FRMD4A: variants seen among roughly 807,000 people sequenced by gnomAD.
FRMD4A encodes FERM domain containing 4A.
In FRMD4A, 29 loss-of-function variants were observed where a neutral mutation model predicts 129.1. The ratio of observed to expected loss-of-function variants is 0.22; its 90% CI spans 0.17 to 0.31. The LOEUF (loss-of-function observed/expected upper bound fraction) is 0.31, where lower values mean the gene tolerates loss of function less well. Ranked by LOEUF, FRMD4A falls within the 10% of genes least tolerant of loss-of-function variation. FRMD4A has a pLI of 1.00. For missense variants in FRMD4A, 1,272 were observed against 1,375.8 expected, an observed-to-expected ratio of 0.92 and a Z score of 1.19; for synonymous variants, 634 against 571.6, an observed-to-expected ratio of 1.11 and a Z score of -1.56.
chr10:14,081,358 G>A (rs76145199), intron 2 of FRMD4A, among the ~76,000 whole-genome samples: 3,138 of 152,216 alleles, frequency 0.021, 91 homozygotes, highest in African/African-American at 0.07. Context: ...CAACCACTGG[G>A]GGTCTTGCAA....
At position 13,707,039 on chromosome 10, in the gene FRMD4A, G is replaced by T; in HGVS notation, c.834C>A (p.Arg278=). 6.5e-7 allele frequency: 1 copy of T among 1,543,352 alleles called. No individual in the cohort carries two copies. The highest frequency in any genetic ancestry group is 9.0e-7 in the Non-Finnish European group (1 of 1,115,448). Reference sequence around the variant, plus strand: ...AGAAAAGGACTTTTCAAGCTTACCTGCGTGGGTCATGAACTTCCACGGAAA... The same window carrying T: ...AGAAAAGGACTTTTCAAGCTTACCTTCGTGGGTCATGAACTTCCACGGAAA... ...KKFSVEVHDP[R]RASVTRRTFG... is the part of the protein sequence containing the mutation. The change falls in exon 13 of 25, where the codon CGC becomes CGA. Residue 278 remains arginine (R), a splice_region_variant and synonymous_variant. Transcript: ENST00000357447.
In FRMD4A at chr10:14,198,300, G is replaced by A. The variant is rs556980925; in HGVS notation, c.45+131758C>T. ...GTGATGGGGATGTTCCCGCCCACAT[G>A]ACCTCATTGGGACATCGGGCTGGAG... On this transcript the variant is annotated intron_variant, in intron 2 of 24. Coordinates refer to ENST00000357447, the MANE Select transcript of FRMD4A (RefSeq NM_018027.5). Among the ~76,000 whole-genome samples the A allele has an allele frequency of 2.6e-5, 4 of 152,328 alleles. No individual in the cohort carries two copies. In the East Asian group the frequency reaches 7.7e-4, roughly 29 times the overall value.
intron 2 of FRMD4A, among the ~76,000 whole-genome samples, chr10:14,220,793 TGTGTGTGTGTGTGTGTGTTTG>T: frequency 2.1e-5 from 1 of 47,468 alleles, no homozygotes; most frequent in Non-Finnish European, 6.5e-5. Context: ...CGTGTGTGTG[TGTGTGTGTGTGTGTGTGTTTG>T]TGTGTGTGTG....
At chr10:13,740,622 A>G in intron 9 of FRMD4A, 45 bp from the exon 10 acceptor site, 3 of 983,470 alleles carry the variant, frequency 3.1e-6, no homozygotes, top group Non-Finnish European at 4.8e-6. Flanking sequence ...TCTCTAGGTC[A>G]ACAGCCAAGC....
At chr10:13,658,042 T>C (rs574821030) in intron 21 of FRMD4A, among the ~76,000 whole-genome samples, 4 of 145,176 alleles carry the variant, frequency 2.8e-5, no homozygotes, top group South Asian at 4.3e-4. Context: ...AGTCAGGAGG[T>C]TGAAGAGGGA....
chr10:14,222,730 G>GA (rs201713185), intron 2 of FRMD4A, among the ~76,000 whole-genome samples: 19 of 150,616 alleles, frequency 1.3e-4, no homozygotes, highest in East Asian at 5.9e-4. Context: ...AATCTCCTTG[G>GA]AAAAAAAAAC....
chr10:14,032,892 T>C (rs1395735184), intron 2 of FRMD4A, among the ~76,000 whole-genome samples: 1 of 152,224 alleles, frequency 6.6e-6, no homozygotes, highest in African/African-American at 2.4e-5. Context: ...TGTTTCCCAG[T>C]CTTGGTAACT....
chr10:14,007,131 G>A (rs1341426970), intron 2 of FRMD4A: 3 of 152,044 alleles, frequency 2.0e-5, no homozygotes, highest in Non-Finnish European at 4.4e-5. Flanking sequence ...TTTATAAGAT[G>A]CTGCGGATAG....
rs1181277519 is a variant in FRMD4A, at chr10:13,821,712, G to C, written c.112-10804C>G. Among the ~76,000 whole-genome samples the C allele has an allele frequency of 2.6e-5, 4 of 152,172 alleles. No homozygotes were observed. Among genetic ancestry groups the C allele is most frequent in the African/African-American group, 9.7e-5 (4 of 41,440 alleles). On this transcript the variant is annotated intron_variant, in intron 3 of 24. Coordinates refer to ENST00000357447, the MANE Select transcript of FRMD4A (RefSeq NM_018027.5). The surrounding 1 kb of genome is among the most constrained non-coding windows in gnomAD (Gnocchi z 4.3). ...AGAAGCAACTCGCCAAATTCACACA[G>C]CGAATCAGTGGGAGAACTGAACCGC...
chr10:13,875,204 G>T (rs2094476446), intron 2 of FRMD4A, among the ~76,000 whole-genome samples: 2 of 152,188 alleles, frequency 1.3e-5, no homozygotes, highest in East Asian at 1.9e-4. Context: ...AAACAAAGAA[G>T]GGGGAGCTAA....
In FRMD4A at chr10:14,185,460, G is replaced by A. The variant is rs1022800913; in HGVS notation, c.45+144598C>T. Reference sequence around the variant, plus strand: ...GATGAGGATGTCGTGGCAGAAATTAGTACAAAAAACATTACAACATTTTGT... The same window carrying A: ...GATGAGGATGTCGTGGCAGAAATTAATACAAAAAACATTACAACATTTTGT... On this transcript the variant is annotated intron_variant, in intron 2 of 24. Coordinates refer to ENST00000357447, the MANE Select transcript of FRMD4A (RefSeq NM_018027.5). 1.8e-4 allele frequency among the ~76,000 whole-genome samples: 28 copies of A among 152,304 alleles called. 1 individual carries two copies. Among genetic ancestry groups the A allele is most frequent in the South Asian group, 1.2e-3 (6 of 4,828 alleles).
chr10:13,855,169 GC>G (rs1237330883), intron 3 of FRMD4A, among the ~76,000 whole-genome samples: 49 of 152,208 alleles, frequency 3.2e-4, no homozygotes, highest in Non-Finnish European at 1.6e-4. Flanking sequence ...TTTTTTCTCT[GC>G]AACCCAAAGA....
chr10:13,791,925 T>G (rs911655913), intron 5 of FRMD4A, among the ~76,000 whole-genome samples: 3 of 152,130 alleles, frequency 2.0e-5, no homozygotes, highest in African/African-American at 7.2e-5. Flanking sequence ...GTCTCCACAG[T>G]GTCAGATAAT....
intron 12 of FRMD4A, among the ~76,000 whole-genome samples, chr10:13,709,664 C>G (rs2087814796): frequency 6.6e-6 from 1 of 152,136 alleles, no homozygotes; most frequent in African/African-American, 2.4e-5. Flanking sequence ...TGGCTGCATA[C>G]CACGGCGGTC....
chr10:14,017,880 T>C (rs944204562), intron 2 of FRMD4A, among the ~76,000 whole-genome samples: 4 of 152,224 alleles, frequency 2.6e-5, no homozygotes, highest in Admixed American at 6.5e-5. Flanking sequence ...GGGAATATGG[T>C]TTATGTTGAA....
intron 2 of FRMD4A, among the ~76,000 whole-genome samples, chr10:14,178,125 C>T (rs1448596184): frequency 1.3e-5 from 2 of 152,222 alleles, no homozygotes; most frequent in African/African-American, 4.8e-5. Flanking sequence ...AATTCACCCA[C>T]ACAGCATTCA....
At chr10:14,009,650 C>T (rs953026201) in intron 2 of FRMD4A, among the ~76,000 whole-genome samples, 4 of 152,224 alleles carry the variant, frequency 2.6e-5, no homozygotes, top group South Asian at 2.1e-4. Flanking sequence ...CAGCAGCGCA[C>T]GGGCTGGAAA....
chr10:13,701,282 T>C, intron 14 of FRMD4A, 58 bp downstream of exon 14: 1 of 1,546,074 alleles, frequency 6.5e-7, no homozygotes, highest in Non-Finnish European at 8.9e-7. Flanking sequence ...CGATCCTCAT[T>C]CCTAAACTAA....
At chr10:14,242,063 C>T (rs1416550952) in intron 2 of FRMD4A, among the ~76,000 whole-genome samples, 2 of 152,180 alleles carry the variant, frequency 1.3e-5, no homozygotes, top group African/African-American at 4.8e-5. Context: ...TAGCTCCATA[C>T]TCACTACTCG....
Sources: allele counts gnomAD v4.1 joint callset (sites outside exome capture counted in the v4.1 genomes callset), GRCh38; gene constraint gnomAD v4.1.1; non-coding constraint Gnocchi (gnomAD v3.1); transcripts MANE v1.5; gene names NCBI Gene and HGNC (gene_info 2026-07-23, HGNC 2026-07-21).